Variants in DNAH11 observed in about 807,000 individuals in gnomAD.
The protein encoded by DNAH11 is dynein axonemal heavy chain 11, also known as axonemal beta dynein heavy chain 11.
Under a neutral mutation model 526.0 loss-of-function variants are expected in DNAH11, and 442 were observed. The observed-to-expected ratio is 0.84, with a 90% CI of 0.78 to 0.91. The LOEUF (loss-of-function observed/expected upper bound fraction) is 0.91. DNAH11 is among the 40% of genes least tolerant of loss of function. DNAH11 has a pLI of 0.00. For missense variants in DNAH11, 6,989 were observed against 5,448.7 expected (o/e 1.28, Z -8.90); for synonymous variants, 2,461 against 1,935.9 (o/e 1.27, Z -7.12).
At chr7:21,664,116 A>G (rs1008498352) in intron 30 of DNAH11, among the ~76,000 whole-genome samples, 22 of 144,444 alleles carry the variant, frequency 1.5e-4, no homozygotes, top group Non-Finnish European at 2.4e-4. Context: ...TTCAGTTATT[A>G]TATCTCAATT....
At chr7:21,622,903 C>T (rs1314604645) in intron 25 of DNAH11, among the ~76,000 whole-genome samples, 1 of 152,056 alleles carries the variant, frequency 6.6e-6, no homozygotes, top group East Asian at 1.9e-4. Flanking sequence ...AGGACATAGG[C>T]ATGGGCAAGG....
chr7:21,848,642 T>C (rs747200486), intron 66 of DNAH11, among the ~76,000 whole-genome samples: 8 of 152,076 alleles, frequency 5.3e-5, no homozygotes, highest in Non-Finnish European at 8.8e-5. Flanking sequence ...TCTCTGTATA[T>C]ATAGCTGTAA....
At chr7:21,612,276 C>G (rs928230606) in intron 20 of DNAH11, among the ~76,000 whole-genome samples, 14 of 152,066 alleles carry the variant, frequency 9.2e-5, no homozygotes, top group African/African-American at 3.1e-4. Context: ...ACTAAGAAGG[C>G]TGGGCATGGT....
intron 30 of DNAH11, among the ~76,000 whole-genome samples, chr7:21,676,053 A>G (rs1046939281): frequency 1.3e-5 from 2 of 152,148 alleles, no homozygotes; most frequent in African/African-American, 4.8e-5. Flanking sequence ...AGGAGAACAG[A>G]GAGAAGGCCA....
At chr7:21,871,911 A>T (rs532616918) in intron 73 of DNAH11, among the ~76,000 whole-genome samples, 1 of 152,074 alleles carries the variant, frequency 6.6e-6, no homozygotes, top group East Asian at 1.9e-4. Flanking sequence ...TCATGAGGTC[A>T]GGAGATCGAG....
intron 30 of DNAH11, among the ~76,000 whole-genome samples, chr7:21,679,081 C>A (rs1166025982): frequency 1.1e-4 from 17 of 152,082 alleles, no homozygotes; most frequent in African/African-American, 4.1e-4. Context: ...AGGAATCTTA[C>A]CATTTGTGAC....
chr7:21,800,198 A>G (rs1037055622), intron 61 of DNAH11, among the ~76,000 whole-genome samples: 1 of 151,994 alleles, frequency 6.6e-6, no homozygotes, highest in Non-Finnish European at 1.5e-5. Flanking sequence ...TTTCTCCACA[A>G]TGGTTTTCTC....
chr7:21,900,143 T>TG (rs1466123865), intron 81 of DNAH11, 23 bp downstream of exon 81: 2 of 1,589,536 alleles, frequency 1.3e-6, no homozygotes, highest in African/African-American at 1.4e-5. Context: ...AAGGGGTAAG[T>TG]GGGGAACCTT....
chr7:21,644,063 A>G (rs964739897), intron 28 of DNAH11, among the ~76,000 whole-genome samples: 9 of 152,334 alleles, frequency 5.9e-5, no homozygotes, highest in South Asian at 4.1e-4. Flanking sequence ...CAATCTACAC[A>G]CAAGGAAATC....
chr7:21,804,330 C>T (rs1179837376), intron 62 of DNAH11, among the ~76,000 whole-genome samples: 3 of 152,042 alleles, frequency 2.0e-5, no homozygotes, highest in Non-Finnish European at 4.4e-5. Flanking sequence ...AGGATGGTCT[C>T]GATCTCTTGA....
At chr7:21,564,812 G>C (rs1158766598) in intron 6 of DNAH11, among the ~76,000 whole-genome samples, 7 of 151,820 alleles carry the variant, frequency 4.6e-5, no homozygotes, top group Non-Finnish European at 1.0e-4. Context: ...TAGTAGAATT[G>C]TATTGAAAAA....
intron 8 of DNAH11, among the ~76,000 whole-genome samples, chr7:21,578,744 T>C (rs1784198590): frequency 6.6e-6 from 1 of 151,874 alleles, no homozygotes; most frequent in African/African-American, 2.4e-5. Context: ...AGGTGGAGGT[T>C]CTCAAGGCTC....
intron 14 of DNAH11, among the ~76,000 whole-genome samples, chr7:21,592,817 A>G (rs934734508): frequency 2.0e-5 from 3 of 152,126 alleles, no homozygotes; most frequent in Admixed American, 2.0e-4. Flanking sequence ...GGTCTGAGTG[A>G]TTGGACTGGA....
At position 21,852,479 on chromosome 7, in the gene DNAH11, A is replaced by G; in HGVS notation, c.10909A>G (p.Lys3637Glu). 1.2e-6 allele frequency: 2 copies of G among 1,613,508 alleles called. No homozygotes were observed. The highest frequency in any genetic ancestry group is 1.7e-6 in the Non-Finnish European group (2 of 1,179,696). ...DLEKLKLVLT[K>E]HQNDFKIELK... is the part of the protein sequence containing the mutation. ...TGGTTTTTATTAGTTGGTATTGACA[A>G]AGCACCAAAATGATTTTAAAATTGA... Residue 3637 changes from lysine to glutamate, a missense_variant, in exon 67 of 82, where the codon AAG (lysine) becomes GAG (glutamate). Coordinates refer to ENST00000409508, the MANE Select transcript of DNAH11 (RefSeq NM_001277115.2).
intron 30 of DNAH11, among the ~76,000 whole-genome samples, chr7:21,659,724 G>A (rs1253189452): frequency 1.3e-5 from 2 of 152,074 alleles, no homozygotes; most frequent in African/African-American, 2.4e-5. Context: ...GAACCTGGTA[G>A]GATTGTACCT....
chr7:21,877,817 A>G (rs767756130), intron 74 of DNAH11, among the ~76,000 whole-genome samples: 4 of 147,202 alleles, frequency 2.7e-5, no homozygotes, highest in Non-Finnish European at 4.5e-5. Context: ...AGAGGTTGCA[A>G]TGAGCAGAGA....
chr7:21,563,874 G>A (rs1022478342), intron 5 of DNAH11, among the ~76,000 whole-genome samples: 7 of 152,166 alleles, frequency 4.6e-5, no homozygotes. Context: ...TATTCCGACA[G>A]TTTCCACAGG....
intron 66 of DNAH11, among the ~76,000 whole-genome samples, chr7:21,847,941 G>A (rs999373744): frequency 1.1e-4 from 17 of 151,948 alleles, no homozygotes; most frequent in African/African-American, 2.9e-4. Flanking sequence ...TGAGACGGGC[G>A]GATCACGAGG....
chr7:21,607,392 T>C (rs1451315866), intron 20 of DNAH11, among the ~76,000 whole-genome samples: 1 of 152,100 alleles, frequency 6.6e-6, no homozygotes, highest in East Asian at 1.9e-4. Context: ...TAATCTCCTT[T>C]GGCATCACCC....
Sources: allele counts gnomAD v4.1 joint callset (sites outside exome capture counted in the v4.1 genomes callset), GRCh38; gene constraint gnomAD v4.1.1; transcripts MANE v1.5; gene names NCBI Gene and HGNC (gene_info 2026-07-23, HGNC 2026-07-21).